Variants in CCDC181 observed in about 807,000 individuals in gnomAD.
CCDC181 encodes the protein coiled-coil domain containing 181, also known as coiled-coil domain-containing protein 181.
A neutral mutation model predicts 58.7 loss-of-function variants in CCDC181; 35 were observed. The ratio of observed to expected loss-of-function variants is 0.60; its 90% CI spans 0.46 to 0.79. CCDC181 has a LOEUF of 0.79. Ranked by LOEUF, CCDC181 falls within the 30% of genes least tolerant of loss-of-function variation. The pLI, the probability that CCDC181 is intolerant of heterozygous loss-of-function variation, is 0.00. For missense variants in CCDC181, 517 were observed against 583.9 expected (o/e 0.89, Z 1.18); for synonymous variants, 183 against 197.5 (o/e 0.93, Z 0.62).
At chr1:169,428,339 A>G (rs1656801315), upstream of CCDC181, among the ~76,000 whole-genome samples, 1 of 152,200 alleles carries the variant, frequency 6.6e-6, no homozygotes, top group Non-Finnish European at 1.5e-5. Context: ...ATTCACTGCT[A>G]AAGGTTGAAG....
chr1:169,444,765 A>G (rs1657327691), intron 2 of CCDC181, among the ~76,000 whole-genome samples: 1 of 152,182 alleles, frequency 6.6e-6, no homozygotes, highest in Admixed American at 6.5e-5. Context: ...AGCTAATTAC[A>G]AAACTTAGAT....
intron 4 of CCDC181, among the ~76,000 whole-genome samples, chr1:169,407,629 G>A (rs1949426): frequency 0.36 from 55,140 of 152,058 alleles, 11,776 homozygotes; most frequent in Non-Finnish European, 0.48. Context: ...TAAATACAGG[G>A]GTGGCTGGCA....
rs1180270383 is a variant in CCDC181 at position 169,394,947 on chromosome 1, C to A, written c.*100G>T. 13 of 1,057,140 alleles carry A rather than the reference C, an allele frequency of 1.2e-5. No homozygotes were observed. Among genetic ancestry groups the A allele is most frequent in the South Asian group, 1.0e-4 (5 of 48,172 alleles). 65.5% of individuals were successfully genotyped at this position (1,057,140 alleles called of 1,614,324 possible). On this transcript the variant is annotated 3_prime_UTR_variant, in exon 6 of 6. Coordinates refer to ENST00000367806, the MANE Select transcript of CCDC181 (RefSeq NM_001300969.2). Reference sequence around the variant, plus strand: ...TTCACTGTCAATAAAAGATAAATACCATTTCCATAATTTAGAATACAACCA... The same window carrying A: ...TTCACTGTCAATAAAAGATAAATACAATTTCCATAATTTAGAATACAACCA...
upstream of CCDC181, among the ~76,000 whole-genome samples, chr1:169,429,849 T>C (rs1292159440): frequency 2.0e-5 from 3 of 152,222 alleles, no homozygotes; most frequent in Non-Finnish European, 4.4e-5. Flanking sequence ...TTGCGTTTGC[T>C]TTTAGATTCT....
At chr1:169,417,021 C>T (rs551455416) in intron 4 of CCDC181, among the ~76,000 whole-genome samples, 32 of 152,178 alleles carry the variant, frequency 2.1e-4, no homozygotes, top group African/African-American at 7.0e-4. Context: ...ATAATACACA[C>T]GCTATATAAA....
chr1:169,423,199 T>G (rs1656564791), intron 2 of CCDC181, among the ~76,000 whole-genome samples: 1 of 151,780 alleles, frequency 6.6e-6, no homozygotes, highest in Admixed American at 6.6e-5. Context: ...TCATCCTGTG[T>G]GATAGTGAAG....
At chr1:169,454,241 C>T (rs2101760466) in intron 2 of CCDC181, 1 of 151,992 alleles carries the variant, frequency 6.6e-6, no homozygotes, top group East Asian at 1.9e-4. Context: ...TATATATAGG[C>T]AACATGGGTG....
chr1:169,456,306 G>A (rs1263489286), intron 2 of CCDC181, among the ~76,000 whole-genome samples: 1 of 152,108 alleles, frequency 6.6e-6, no homozygotes, highest in Non-Finnish European at 1.5e-5. Flanking sequence ...CAGATGCACT[G>A]TGCAACCCTT....
At chr1:169,409,080 A>G (rs1409228624) in intron 4 of CCDC181, among the ~76,000 whole-genome samples, 1 of 152,196 alleles carries the variant, frequency 6.6e-6, no homozygotes, top group African/African-American at 2.4e-5. Flanking sequence ...GTGGGTAATA[A>G]CAAACTCCTC....
chr1:169,442,888 T>C (rs1571512956), intron 2 of CCDC181: 1 of 151,916 alleles, frequency 6.6e-6, no homozygotes, highest in East Asian at 1.9e-4. Flanking sequence ...CTTTTAAATA[T>C]TGTAGTCAGG....
At chr1:169,454,171 T>G (rs1188505361) in intron 2 of CCDC181, among the ~76,000 whole-genome samples, 2 of 152,094 alleles carry the variant, frequency 1.3e-5, no homozygotes, top group Non-Finnish European at 2.9e-5. Context: ...GATGTATTTT[T>G]TAAACACTTC....
At chr1:169,409,894 T>C (rs549764489) in intron 4 of CCDC181, among the ~76,000 whole-genome samples, 1 of 152,212 alleles carries the variant, frequency 6.6e-6, no homozygotes, top group African/African-American at 2.4e-5. Flanking sequence ...AAGGACTAAA[T>C]ATGTAAAGGA....
At chr1:169,419,188 T>A (rs1348681247) in intron 3 of CCDC181, 29 bp from the exon 4 acceptor site, 1 of 1,522,674 alleles carries the variant, frequency 6.6e-7, no homozygotes, top group East Asian at 2.3e-5. Context: ...AAGACATTAA[T>A]GGAAGATTAA....
At chr1:169,435,707 G>T (rs750751029) in intron 2 of CCDC181, among the ~76,000 whole-genome samples, 4 of 152,110 alleles carry the variant, frequency 2.6e-5, no homozygotes, top group Non-Finnish European at 4.4e-5. Flanking sequence ...AAGGATGAAA[G>T]TAGGTTCTAG....
chr1:169,401,107 G>A (rs539885160), intron 4 of CCDC181, among the ~76,000 whole-genome samples: 1 of 152,332 alleles, frequency 6.6e-6, no homozygotes, highest in East Asian at 1.9e-4. Context: ...GGGGAGAGAT[G>A]TCTGCCATTG....
intron 4 of CCDC181, among the ~76,000 whole-genome samples, chr1:169,406,854 C>G (rs765165140): frequency 6.6e-6 from 1 of 151,134 alleles, no homozygotes; most frequent in Non-Finnish European, 1.5e-5. Flanking sequence ...ACAAACACAA[C>G]CTAAATTCCC....
chr1:169,449,926 T>A (rs1055103419), intron 2 of CCDC181, among the ~76,000 whole-genome samples: 3 of 152,196 alleles, frequency 2.0e-5, no homozygotes, highest in Non-Finnish European at 4.4e-5. Context: ...AAGTTGACAC[T>A]CAATATTAAC....
At chr1:169,437,847 G>A (rs895322317) in intron 2 of CCDC181, among the ~76,000 whole-genome samples, 1 of 152,190 alleles carries the variant, frequency 6.6e-6, no homozygotes, top group Non-Finnish European at 1.5e-5. Context: ...GGTAAGTAGT[G>A]CAATGCCCAG....
chr1:169,441,681 T>C (rs780401115), intron 2 of CCDC181, among the ~76,000 whole-genome samples: 4 of 151,984 alleles, frequency 2.6e-5, no homozygotes, highest in Non-Finnish European at 5.9e-5. Flanking sequence ...CTGGTTCTTA[T>C]TCAAGGACTT....
Sources: allele counts gnomAD v4.1 joint callset (sites outside exome capture counted in the v4.1 genomes callset), GRCh38; gene constraint gnomAD v4.1.1; transcripts MANE v1.5; gene names NCBI Gene and HGNC (gene_info 2026-07-23, HGNC 2026-07-21).